The following SYN3 variants were observed in gnomAD, a reference collection of about 807,000 sequenced individuals.
SYN3 encodes synapsin III, also known as synapsin-3.
SYN3 carries 35 observed loss-of-function variants against 65.8 expected under a neutral mutation model. The ratio of observed to expected loss-of-function variants is 0.53; its 90% CI spans 0.41 to 0.70. The LOEUF is 0.70. SYN3 is among the 30% of genes least tolerant of loss of function. The pLI, the probability that SYN3 is intolerant of heterozygous loss-of-function variation, is 0.00. For missense variants in SYN3, 680 were observed against 749.0 expected, an observed-to-expected ratio of 0.91 and a Z score of 1.08; for synonymous variants, 270 against 292.9, an observed-to-expected ratio of 0.92 and a Z score of 0.80.
chr22:32,582,564 G>C (rs1420602101), intron 7 of SYN3, among the ~76,000 whole-genome samples: 1 of 152,038 alleles, frequency 6.6e-6, no homozygotes, highest in Non-Finnish European at 1.5e-5. Flanking sequence ...GGCTGGGGGT[G>C]GGGGTGGGTC....
intron 1 of SYN3, among the ~76,000 whole-genome samples, chr22:33,029,574 C>T (rs1420939246): frequency 6.6e-6 from 1 of 152,190 alleles, no homozygotes; most frequent in Non-Finnish European, 1.5e-5. Flanking sequence ...GAACTCATGC[C>T]ATCCTCCCTC....
At chr22:32,585,635 G>A (rs1450360495) in intron 7 of SYN3, among the ~76,000 whole-genome samples, 2 of 152,100 alleles carry the variant, frequency 1.3e-5, no homozygotes, top group East Asian at 1.9e-4. Context: ...AGGTGGCAGA[G>A]GAAGATCTCA....
At chr22:32,994,908 G>A (rs190666784) in intron 2 of SYN3, among the ~76,000 whole-genome samples, 114 of 152,282 alleles carry the variant, frequency 7.5e-4, no homozygotes, top group Middle Eastern at 3.4e-3. Context: ...AGCCTAAGCC[G>A]TGTACCAGCT....
intron 10 of SYN3, among the ~76,000 whole-genome samples, chr22:32,531,445 G>T (rs1428517016): frequency 1.3e-5 from 2 of 152,156 alleles, no homozygotes; most frequent in Non-Finnish European, 2.9e-5. Context: ...GGAACCTGAG[G>T]TTCATTTTGG....
At chr22:32,730,911 A>G (rs544727797) in intron 6 of SYN3, among the ~76,000 whole-genome samples, 1 of 152,246 alleles carries the variant, frequency 6.6e-6, no homozygotes, top group East Asian at 1.9e-4. Flanking sequence ...CACCTGCAAC[A>G]TTCTGTCACC....
intron 8 of SYN3, among the ~76,000 whole-genome samples, chr22:32,538,323 ATTG>A (rs2058198287): frequency 6.6e-6 from 1 of 152,080 alleles, no homozygotes; most frequent in Non-Finnish European, 1.5e-5. Flanking sequence ...GATCCTAGGT[ATTG>A]TTTTCTAAGT....
chr22:32,919,182 G>T (rs1450802734), intron 4 of SYN3, among the ~76,000 whole-genome samples: 4 of 152,118 alleles, frequency 2.6e-5, no homozygotes, highest in African/African-American at 9.7e-5. Context: ...TTGAGAGAGA[G>T]GGAAGCTCCA....
chr22:32,872,936 CT>C (rs35506480), intron 4 of SYN3, among the ~76,000 whole-genome samples: 31,707 of 114,804 alleles, frequency 0.28, 3,721 homozygotes, highest in South Asian at 0.45. Flanking sequence ...GCCCTAAGCA[CT>C]TTTTTTTTTT....
intron 2 of SYN3, among the ~76,000 whole-genome samples, chr22:32,985,269 G>A (rs2052489686): frequency 6.6e-6 from 1 of 152,184 alleles, no homozygotes; most frequent in Non-Finnish European, 1.5e-5. Context: ...GAATCCACAA[G>A]AGCAAAGAGC....
chr22:32,979,971 C>T (rs985571283), intron 3 of SYN3, among the ~76,000 whole-genome samples: 13 of 152,036 alleles, frequency 8.6e-5, no homozygotes, highest in African/African-American at 2.4e-4. Flanking sequence ...CCTCGCGGAA[C>T]GAACAGGAGA....
intron 9 of SYN3, among the ~76,000 whole-genome samples, chr22:32,534,520 C>T (rs1198946538): frequency 6.6e-6 from 1 of 152,218 alleles, no homozygotes; most frequent in Non-Finnish European, 1.5e-5. Context: ...TGTTCCCTTT[C>T]CAGCCACTTG....
At chr22:32,893,609 G>T (rs752402439) in intron 4 of SYN3, among the ~76,000 whole-genome samples, 5 of 152,150 alleles carry the variant, frequency 3.3e-5, no homozygotes, top group African/African-American at 7.2e-5. Context: ...GACTGTCCAC[G>T]TGTGGGGAAG....
chr22:33,011,658 T>C (rs1256659390), intron 1 of SYN3, among the ~76,000 whole-genome samples: 1 of 152,216 alleles, frequency 6.6e-6, no homozygotes, highest in Non-Finnish European at 1.5e-5. Context: ...GTGTTTTTTT[T>C]CTTAAATTAT....
intron 10 of SYN3, among the ~76,000 whole-genome samples, chr22:32,531,568 G>A (rs1436925782): frequency 6.6e-6 from 1 of 152,180 alleles, no homozygotes; most frequent in Non-Finnish European, 1.5e-5. Flanking sequence ...ACAAGTTCAA[G>A]GGTCTTTTCC....
intron 4 of SYN3, among the ~76,000 whole-genome samples, chr22:32,918,807 T>A (rs943830014): frequency 1.3e-5 from 2 of 152,154 alleles, no homozygotes; most frequent in African/African-American, 4.8e-5. Context: ...ACCACATCTA[T>A]GAAGTGAGGA....
In SYN3 at chr22:32,512,831, C is replaced by G. The variant is rs2146038534; in HGVS notation, c.*861G>C. On this transcript the variant is annotated 3_prime_UTR_variant, in exon 14 of 14. Coordinates refer to ENST00000358763, the MANE Select transcript of SYN3 (RefSeq NM_003490.4). ...AGATCCATAAAAAGGAAACGGCATT[C>G]CTGGTGGGAGGCCAGAGAGATCAAA... 1 of 152,326 alleles carries G rather than the reference C, an allele frequency of 6.6e-6. No homozygotes were observed. The highest frequency in any genetic ancestry group is 2.1e-4 in the South Asian group (1 of 4,824). 9.4% of individuals were successfully genotyped at this position (152,326 alleles called of 1,614,324 possible). A position where few individuals can be genotyped will look rare whatever the true frequency, so the allele number is the denominator to read the frequency against.
intron 6 of SYN3, among the ~76,000 whole-genome samples, chr22:32,855,803 G>T (rs2048346986): frequency 6.6e-6 from 1 of 152,246 alleles, no homozygotes; most frequent in South Asian, 2.1e-4. Context: ...TCCTAGGGGG[G>T]CAAAATTGCC....
chr22:32,829,181 C>T (rs62232918), intron 6 of SYN3, among the ~76,000 whole-genome samples: 3 of 152,306 alleles, frequency 2.0e-5, no homozygotes, highest in South Asian at 4.2e-4. Flanking sequence ...ATCCCATTGC[C>T]GGCTTTAGTC....
intron 6 of SYN3, among the ~76,000 whole-genome samples, chr22:32,654,896 G>A (rs2060121491): frequency 6.6e-6 from 1 of 152,156 alleles, no homozygotes; most frequent in East Asian, 1.9e-4. Context: ...GTAGTTACTT[G>A]TGTATATGTC....
Sources: allele counts gnomAD v4.1 joint callset (sites outside exome capture counted in the v4.1 genomes callset), GRCh38; gene constraint gnomAD v4.1.1; transcripts MANE v1.5; gene names NCBI Gene and HGNC (gene_info 2026-07-23, HGNC 2026-07-21).